COQ8A: variants seen among roughly 807,000 people sequenced by gnomAD.
COQ8A encodes coenzyme Q8A, also known as atypical kinase COQ8A, mitochondrial.
In COQ8A, 51 loss-of-function variants were observed where a neutral mutation model predicts 65.0. That is an observed-to-expected ratio of 0.78 (90% CI 0.63 to 0.99). The LOEUF (loss-of-function observed/expected upper bound fraction) is 0.99. Among genes scored for constraint, COQ8A ranks in the 50% least tolerant of loss-of-function variants. The pLI, the probability that COQ8A is intolerant of heterozygous loss-of-function variation, is 0.00. For synonymous variants in COQ8A, 371 were observed against 353.2 expected (o/e 1.05, Z -0.57); for missense variants, 940 against 875.0 (o/e 1.07, Z -0.94).
At chr1:226,977,082 A>G (rs1659282671) in intron 4 of COQ8A, among the ~76,000 whole-genome samples, 1 of 152,132 alleles carries the variant, frequency 6.6e-6, no homozygotes, top group Non-Finnish European at 1.5e-5. Flanking sequence ...GGTCGGGGTG[A>G]CGTTGGTCTG....
At position 226,986,567 on chromosome 1, in the gene COQ8A, C is replaced by T; in HGVS notation, c.1774C>T (p.Pro592Ser). 1 of 1,614,034 alleles carries T rather than the reference C, an allele frequency of 6.2e-7. No individual in the cohort carries two copies. The highest frequency in any genetic ancestry group is 8.5e-7 in the Non-Finnish European group (1 of 1,179,998). Residue 592 changes from proline (P) to serine (S), a missense_variant, in exon 15 of 15, where the codon CCC (proline) becomes TCC (serine). By Grantham distance (74) the Pro-to-Ser change is moderately conservative. Transcript: ENST00000366777. ...STTEKIHNLI[P>S]VMLRHRLVPP... is the part of the protein sequence containing the mutation. ...CACCGAGAAGATCCACAACCTGATT[C>T]CCGTCATGCTGAGGCACCGTCTCGT...
In COQ8A at chr1:226,984,929, C is replaced by G. The variant is rs1391323340; in HGVS notation, c.1560C>G (p.Asp520Glu). The change falls in exon 13 of 15, where the codon GAC becomes GAG. Residue 520 changes from aspartate to glutamate, a missense_variant. By Grantham distance (45) the Asp-to-Glu change is conservative. Coordinates refer to ENST00000366777, the MANE Select transcript of COQ8A (RefSeq NM_020247.5). ...GGGAATATGACAGATCCTTCACCGA[C>G]CTCTACATTCAGGTAACTGGAGAGG... ...ATREYDRSFT[D>E]LYIQIIRAAA... 1 of 1,614,082 alleles carries G rather than the reference C, an allele frequency of 6.2e-7. No individual in the cohort carries two copies.
chr1:226,986,377 GGCACTGTGGGAGGAACCC>G (rs1660113708), intron 14 of COQ8A, 58 bp from the exon 15 acceptor site: 1 of 1,530,090 alleles, frequency 6.5e-7, no homozygotes. Context: ...CAGCGCCCCG[GGCACTGTGGGAGGAACCC>G]GGGCTGGTGG....
chr1:226,984,970 C>T, intron 13 of COQ8A, 29 bp downstream of exon 13: 1 of 1,612,376 alleles, frequency 6.2e-7, no homozygotes, highest in South Asian at 1.1e-5. Context: ...TGGCCTTGGT[C>T]CATGTTTTTC....
chr1:226,986,376 G>T, intron 14 of COQ8A, 77 bp from the exon 15 acceptor site: 1 of 1,523,976 alleles, frequency 6.6e-7, no homozygotes, highest in Non-Finnish European at 9.0e-7. Flanking sequence ...TCAGCGCCCC[G>T]GGCACTGTGG....
At position 226,946,590 on chromosome 1, in the gene COQ8A, C is replaced by T. The variant is rs1465146956; in HGVS notation, c.-10+6191C>T. Among the ~76,000 whole-genome samples, 1 of 152,148 alleles carries T rather than the reference C, an allele frequency of 6.6e-6. No individual in the cohort carries two copies. Among genetic ancestry groups the T allele is most frequent in the Non-Finnish European group, 1.5e-5 (1 of 68,020 alleles). The stretch of plus-strand genomic sequence containing the variant: ...GTGGTCCCCTTGCACCCTGCTGAGC[C>T]TCTTCTCATTTCTCGTTGCGTGTGT... On this transcript the variant is annotated intron_variant, in intron 1 of 14. Transcript: ENST00000366777. The surrounding 1 kb of genome is among the most constrained non-coding windows in gnomAD (Gnocchi z 5.3).
rs112100472 is a variant in COQ8A, at chr1:226,959,843, C to T, written c.-9-1534C>T. Among the ~76,000 whole-genome samples, 262 of 152,372 alleles carry T rather than the reference C, an allele frequency of 1.7e-3. 2 individuals are homozygous for T. Among genetic ancestry groups the T allele is most frequent in the Middle Eastern group, 6.8e-3 (2 of 294 alleles). On this transcript the variant is annotated intron_variant, in intron 1 of 14. Transcript: ENST00000366777. ...GCAACTGTTTAGGTAGGAAGAAAGA[C>T]ACAACCAAGTACTGTTCAGTGTGTA...
At chr1:226,984,432 A>C in intron 11 of COQ8A, 116 bp from the exon 12 acceptor site, 1 of 1,279,414 alleles carries the variant, frequency 7.8e-7, no homozygotes, top group African/African-American at 1.5e-5. Flanking sequence ...CTGGGAATCA[A>C]ACAGTCCCTA....
intron 4 of COQ8A, among the ~76,000 whole-genome samples, chr1:226,974,511 C>T (rs17592190): frequency 0.14 from 21,281 of 152,134 alleles, 1,937 homozygotes; most frequent in South Asian, 0.36. Flanking sequence ...CACGAGGACC[C>T]GGGGAGTGCC....
In COQ8A at chr1:226,986,780, C is replaced by T. The variant is rs755360000; in HGVS notation, c.*43C>T. 10 of 1,597,184 alleles carry T rather than the reference C, an allele frequency of 6.3e-6. No homozygotes were observed. Among genetic ancestry groups the T allele is most frequent in the African/African-American group, 4.0e-5 (3 of 74,728 alleles). Reference sequence around the variant, plus strand: ...AGGCCGGCTCCGCGGGAACTCTCTCCCTCAGACAGGCCAAAAACCAGTAGC... The same window carrying T: ...AGGCCGGCTCCGCGGGAACTCTCTCTCTCAGACAGGCCAAAAACCAGTAGC... On this transcript the variant is annotated 3_prime_UTR_variant, in exon 15 of 15. Coordinates refer to ENST00000366777, the MANE Select transcript of COQ8A (RefSeq NM_020247.5).
At chr1:226,979,034 G>A (rs1471762197) in intron 5 of COQ8A, among the ~76,000 whole-genome samples, 1 of 152,146 alleles carries the variant, frequency 6.6e-6, no homozygotes, top group East Asian at 1.9e-4. Context: ...GTCTGGCCGG[G>A]TCAGGTGTGG....
intron 1 of COQ8A, among the ~76,000 whole-genome samples, chr1:226,952,895 T>G (rs1657473852): frequency 6.6e-6 from 1 of 152,162 alleles, no homozygotes; most frequent in Non-Finnish European, 1.5e-5. Context: ...TCCTGTCACC[T>G]CCCTCCCTTT....
intron 4 of COQ8A, among the ~76,000 whole-genome samples, chr1:226,976,321 G>A (rs190484237): frequency 2.8e-5 from 4 of 144,386 alleles, no homozygotes; most frequent in African/African-American, 7.7e-5. Flanking sequence ...CGATGTTGCC[G>A]GGCTGCGGGG....
chr1:226,987,145 G>T lies in COQ8A; in HGVS notation c.*408G>T. ...GGATTTTATCATCTGTGTAGTAGGTGTGTGTATGTGTTTCTAGAGTGAGAT... is the reference window on the plus strand; with the variant it reads ...GGATTTTATCATCTGTGTAGTAGGTTTGTGTATGTGTTTCTAGAGTGAGAT... On this transcript the variant is annotated 3_prime_UTR_variant, in exon 15 of 15. Coordinates refer to ENST00000366777, the MANE Select transcript of COQ8A (RefSeq NM_020247.5). 4.3e-6 allele frequency: 1 copy of T among 235,190 alleles called. No homozygotes were observed. The highest frequency in any genetic ancestry group is 8.6e-6 in the Non-Finnish European group (1 of 116,950). 14.6% of individuals were successfully genotyped at this position (235,190 alleles called of 1,614,324 possible).
At chr1:226,983,903 A>C in intron 10 of COQ8A, 49 bp downstream of exon 10, 1 of 1,588,728 alleles carries the variant, frequency 6.3e-7, no homozygotes, top group Non-Finnish European at 8.6e-7. Context: ...GGGAGGCAGA[A>C]GGGACCATGT....
intron 1 of COQ8A, among the ~76,000 whole-genome samples, chr1:226,942,717 C>T (rs1315095265): frequency 1.3e-5 from 2 of 152,088 alleles, no homozygotes; most frequent in Non-Finnish European, 2.9e-5. Flanking sequence ...TACACAGCAG[C>T]GTGGACATGG....
chr1:226,960,269 TTGG>T (rs1343092715), intron 1 of COQ8A, among the ~76,000 whole-genome samples: 7 of 72,962 alleles, frequency 9.6e-5, no homozygotes, highest in Non-Finnish European at 1.6e-4. Context: ...GTGGTGGTAC[TTGG>T]TGGCGGTGGT....
Position 226,982,097 on chromosome 1 carries a change from C to T in COQ8A, c.801C>T (p.Leu267=). 1 of 1,611,822 alleles carries T rather than the reference C, an allele frequency of 6.2e-7. No individual in the cohort carries two copies. The highest frequency in any genetic ancestry group is 8.5e-7 in the Non-Finnish European group (1 of 1,179,674). ...ATGCAGAGCGGATCGTGCGCACGCT[C>T]TGCAAGGTGCGTGGTGCGGCACTCA... ...EANAERIVRT[L]CKVRGAALKL... is the part of the protein sequence containing the mutation. Residue 267 remains leucine, a synonymous_variant, in exon 6 of 15, where the codon CTC becomes CTT. Coordinates refer to ENST00000366777, the MANE Select transcript of COQ8A (RefSeq NM_020247.5).
intron 4 of COQ8A, among the ~76,000 whole-genome samples, chr1:226,976,287 C>T (rs370484835): frequency 1.4e-5 from 2 of 147,592 alleles, no homozygotes; most frequent in African/African-American, 2.5e-5. Context: ...TGCAGGGCTG[C>T]GGGACTGCGG....
Sources: gnomAD v4.1 joint callset for allele counts (sites outside exome capture counted in the v4.1 genomes callset) on GRCh38, gnomAD v4.1.1 for gene constraint, Gnocchi (gnomAD v3.1) non-coding constraint, MANE v1.5 for transcripts, NCBI Gene and HGNC (gene_info 2026-07-23, HGNC 2026-07-21) for gene names.